Variants in GBP3 observed in about 807,000 individuals in gnomAD.
GBP3 encodes the protein guanylate-binding protein 3.
In GBP3, 55 loss-of-function variants were observed where a neutral mutation model predicts 62.4. The ratio of observed to expected loss-of-function variants is 0.88; its 90% confidence interval spans 0.71 to 1.10. The LOEUF (loss-of-function observed/expected upper bound fraction) is 1.10. GBP3 is among the 50% of genes least tolerant of loss of function. GBP3 has a pLI of 0.00. For missense variants in GBP3, 605 were observed against 690.6 expected (o/e 0.88, Z 1.39); for synonymous variants, 208 against 259.2 (o/e 0.80, Z 1.90).
Position 89,013,288 on chromosome 1 carries a change from C to G in GBP3, c.765G>C (p.Glu255Asp). The G allele has an allele frequency of 6.2e-7, 1 of 1,614,202 alleles. No homozygotes were observed. Among genetic ancestry groups the G allele is most frequent in the Non-Finnish European group, 8.5e-7 (1 of 1,180,032 alleles). ...LAQLEKLQDEELDPEFVQQVA... is the reference protein window; with the variant it reads ...LAQLEKLQDEDLDPEFVQQVA... ...CTTGTTGCACAAATTCAGGGTCCAG[C>G]TCTTCATCTTGTAGTTTCTCAAGCT... The change falls in exon 6 of 11, where the codon GAG becomes GAC. Residue 255 changes from glutamate (E) to aspartate (D), a missense_variant. Glu to Asp is a conservative substitution (Grantham distance 45). This residue lies in a region of GBP3 where 308 missense variants were observed against 318.0 expected (regional missense o/e 0.97). Transcript: ENST00000370481.
In GBP3 at chr1:89,011,261, C is replaced by T. The variant is rs1389939923; in HGVS notation, c.1150-145G>A. ...TCCTCAGCAGGACCACGCTCTTACT[C>T]CTGACCCCACTTTCTACTGAAATCG... On this transcript the variant is annotated intron_variant, in intron 7 of 10. Coordinates refer to ENST00000370481, the MANE Select transcript of GBP3 (RefSeq NM_018284.3). 1.0e-5 allele frequency: 11 copies of T among 1,082,862 alleles called. 2 individuals carry two copies. Among genetic ancestry groups the T allele is most frequent in the East Asian group, 7.9e-5 (3 of 38,036 alleles). The allele number at this position is 1,082,862 out of a possible 1,614,324, so 67.1% of individuals were successfully genotyped here.
At chr1:89,008,544 T>C (rs563285271) in intron 10 of GBP3, among the ~76,000 whole-genome samples, 1 of 149,492 alleles carries the variant, frequency 6.7e-6, no homozygotes, top group South Asian at 2.2e-4. Context: ...CACTAAGTGA[T>C]GAAGATGGGT....
At chr1:89,017,342 G>A in intron 2 of GBP3, among the ~76,000 whole-genome samples, 1 of 150,934 alleles carries the variant, frequency 6.6e-6, no homozygotes. Flanking sequence ...AAGTTGGACT[G>A]TTAGCTTACA....
At chr1:89,008,622 C>T (rs143828833) in intron 10 of GBP3, among the ~76,000 whole-genome samples, 1 of 151,588 alleles carries the variant, frequency 6.6e-6, no homozygotes, top group East Asian at 1.9e-4. Context: ...GTTTCCTCTC[C>T]TAAGTAATAG....
rs748252453 is a variant in GBP3, at chr1:89,009,449, T to C, written c.1408A>G (p.Thr470Ala). The C allele has an allele frequency of 1.9e-6, 3 of 1,614,062 alleles. No homozygotes were observed. The African/African-American group carries it at 4.0e-5, about 22-fold the overall frequency. The stretch of plus-strand genomic sequence containing the variant: ...TGGTCTGTCTGTAGAATTGCATCGG[T>C]CACAGACTCCTTGGATTTCAAGTAT... ...QTYLKSKESV[T>A]DAILQTDQIL... The change falls in exon 9 of 11, where the codon ACC (threonine) becomes GCC (alanine). Residue 470 changes from threonine to alanine, a missense_variant. Thr to Ala is a moderately conservative substitution (Grantham distance 58, BLOSUM62 0). Transcript: ENST00000370481.
At chr1:89,008,827 C>G in intron 10 of GBP3, 120 bp downstream of exon 10, 3 of 1,521,040 alleles carry the variant, frequency 2.0e-6, no homozygotes, top group Non-Finnish European at 2.6e-6. Context: ...CAAGAAAGTA[C>G]AAGTGAGCAA....
In GBP3 at chr1:89,010,865, T is replaced by A; in HGVS notation, c.1362+39A>T. The A allele has an allele frequency of 4.1e-6, 6 of 1,461,374 alleles. 1 individual carries two copies. The South Asian group carries it at 7.1e-5, about 17-fold the overall frequency. 90.5% of individuals were successfully genotyped at this position (1,461,374 alleles called of 1,614,324 possible). A position where few individuals can be genotyped will look rare whatever the true frequency, so the allele number is the denominator to read the frequency against. On this transcript the variant is annotated intron_variant, in intron 8 of 10. Transcript: ENST00000370481. ...CACTTTGGTGTTCGTAGGAGGTAGG[T>A]CAGCAGGTTTCCATAATCGACAGAT...
chr1:89,007,923 C>A lies in GBP3; in HGVS notation c.1660-71G>T, dbSNP rs140863650. 972 of 1,403,168 alleles carry A rather than the reference C, an allele frequency of 6.9e-4. 4 individuals are homozygous for A. In the African/African-American group the frequency reaches 9.7e-3, roughly 14 times the overall value. 86.9% of individuals were successfully genotyped at this position (1,403,168 alleles called of 1,614,324 possible). A position where few individuals can be genotyped will look rare whatever the true frequency, so the allele number is the denominator to read the frequency against. ...ATCTCTGTAAGCTATCTAGTTTCCA[C>A]ATGCATTGATTTATTTAGTACTTAG... On this transcript the variant is annotated intron_variant, in intron 10 of 10. Transcript: ENST00000370481.
intron 5 of GBP3, 134 bp from the exon 6 acceptor site, chr1:89,013,561 A>G: frequency 1.1e-6 from 1 of 886,302 alleles, no homozygotes; most frequent in Non-Finnish European, 1.7e-6. Context: ...GCATGACAAC[A>G]GCTTTAGACA....
intron 2 of GBP3, 113 bp downstream of exon 2, chr1:89,020,419 T>A (rs765923212): frequency 1.6e-6 from 2 of 1,265,378 alleles, no homozygotes; most frequent in East Asian, 4.8e-5. Flanking sequence ...CAACTGTGAA[T>A]GGAAAGTTAG....
At chr1:89,008,787 A>G (rs1678381167) in intron 10 of GBP3, 160 bp downstream of exon 10, 3 of 1,349,058 alleles carry the variant, frequency 2.2e-6, no homozygotes, top group Non-Finnish European at 3.0e-6. Flanking sequence ...ACATGTAGGC[A>G]GTGGCCATTT....
intron 2 of GBP3, among the ~76,000 whole-genome samples, chr1:89,015,744 T>TAAA (rs58886103): frequency 0.049 from 4,184 of 85,700 alleles, 395 homozygotes; most frequent in African/African-American, 0.18. Context: ...ACTCTTGTCT[T>TAAA]AAAAAAAAAA....
chr1:89,020,806 A>G, intron 1 of GBP3, 63 bp from the exon 2 acceptor site: 2 of 1,483,660 alleles, frequency 1.3e-6, no homozygotes, highest in Admixed American at 3.9e-5. Flanking sequence ...GGATAGAGTC[A>G]CAGAATTCCC....
rs1290205498 is a variant in GBP3, at chr1:89,009,134, C to G, written c.1472G>C (p.Cys491Ser). ...AGCCTGTGCAGATTCAGCTTTTACA[C>G]ATTCCACTGTGGAGGAAGAAGAAAC... ...TEKEKEIEVE[C>S]VKAESAQASA... The change falls in exon 10 of 11, where the codon TGT becomes TCT. Residue 491 changes from cysteine to serine, a missense_variant. Coordinates refer to ENST00000370481, the MANE Select transcript of GBP3 (RefSeq NM_018284.3). 1 of 1,613,770 alleles carries G rather than the reference C, an allele frequency of 6.2e-7. No individual in the cohort carries two copies.
rs774969645 is a variant in GBP3, at chr1:89,011,166, G to A, written c.1150-50C>T. 4.8e-6 allele frequency: 7 copies of A among 1,457,838 alleles called. 3 individuals carry two copies. The highest frequency in any genetic ancestry group is 6.6e-6 in the Non-Finnish European group (7 of 1,053,010). 90.3% of individuals were successfully genotyped at this position (1,457,838 alleles called of 1,614,324 possible). A position where few individuals can be genotyped will look rare whatever the true frequency, so the allele number is the denominator to read the frequency against. The stretch of plus-strand genomic sequence containing the variant: ...AAAGAGTAACAGGGAAAGGATGTTA[G>A]CTTGACCTCAGAATTTTGGGAAAGA... On this transcript the variant is annotated intron_variant, in intron 7 of 10. Coordinates refer to ENST00000370481, the MANE Select transcript of GBP3 (RefSeq NM_018284.3).
In GBP3 at chr1:89,020,718, C is replaced by T. The variant is rs1378532076; in HGVS notation, c.4G>A (p.Ala2Thr). The T allele has an allele frequency of 6.2e-7, 1 of 1,613,564 alleles. No homozygotes were observed. Among genetic ancestry groups the T allele is most frequent in the African/African-American group, 1.3e-5 (1 of 74,902 alleles). ...GGGCCTGTCATGTGGATCTCTGGAG[C>T]CATGTCCAGGGCATTGTTCTCTTGT... M[A>T]PEIHMTGPMC... is the part of the protein sequence containing the mutation. The change falls in exon 2 of 11, where the codon GCT (alanine) becomes ACT (threonine). Residue 2 changes from alanine to threonine, a missense_variant. Ala to Thr is a moderately conservative substitution (Grantham distance 58, BLOSUM62 0). Coordinates refer to ENST00000370481, the MANE Select transcript of GBP3 (RefSeq NM_018284.3).
chr1:89,008,492 A>C (rs1348651758), intron 10 of GBP3, among the ~76,000 whole-genome samples: 1 of 146,358 alleles, frequency 6.8e-6, no homozygotes. Context: ...CTTAGAGCCA[A>C]AGTCATACTA....
chr1:89,017,253 C>T (rs981283803), intron 2 of GBP3, among the ~76,000 whole-genome samples: 4 of 151,142 alleles, frequency 2.6e-5, no homozygotes, highest in Non-Finnish European at 4.4e-5. Context: ...AATCATTCAA[C>T]GCAGAAAGAG....
At chr1:89,020,446 G>C (rs759219408) in intron 2 of GBP3, 86 bp downstream of exon 2, 1 of 1,517,992 alleles carries the variant, frequency 6.6e-7, no homozygotes, top group East Asian at 2.3e-5. Context: ...CCCAGTGCCA[G>C]CTTTCTCTCC....
Sources: gnomAD v4.1 joint callset for allele counts (sites outside exome capture counted in the v4.1 genomes callset) on GRCh38, gnomAD v4.1.1 for gene constraint, gnomAD v4.1.1 regional missense constraint, MANE v1.5 for transcripts, NCBI Gene and HGNC (gene_info 2026-07-23, HGNC 2026-07-21) for gene names.